The following CDC23 variants were observed in gnomAD, a reference collection of about 807,000 sequenced individuals.
CDC23 encodes the protein cell division cycle 23.
Under a neutral mutation model 81.7 loss-of-function variants are expected in CDC23, and 26 were observed. The ratio of observed to expected loss-of-function variants is 0.32; its 90% CI spans 0.23 to 0.44. The LOEUF is 0.44. Ranked by LOEUF, CDC23 falls within the 20% of genes least tolerant of loss-of-function variation. The probability of loss-of-function intolerance (pLI) is 1.00; values close to 1 mark genes in which losing one functional copy is unlikely to be tolerated. For synonymous variants in CDC23, 267 were observed against 270.8 expected, an observed-to-expected ratio of 0.99 and a Z score of 0.14; for missense variants, 519 against 728.0, an observed-to-expected ratio of 0.71 and a Z score of 3.30.
Position 138,198,789 on chromosome 5 carries a change from G to A in CDC23, c.655-7C>T. 2.5e-6 allele frequency: 4 copies of A among 1,612,930 alleles called. No individual in the cohort carries two copies. The South Asian group carries it at 4.4e-5, about 18-fold the overall frequency. The stretch of plus-strand genomic sequence containing the variant: ...GCAAAGACAGGAACTTCAGCTGGCA[G>A]CAGGAGAGAGAGGGACACACTTAAT... On this transcript the variant is annotated splice_region_variant and splice_polypyrimidine_tract_variant and intron_variant, in intron 6 of 15. Coordinates refer to ENST00000394886, the MANE Select transcript of CDC23 (RefSeq NM_004661.4).
chr5:138,213,010 G>C lies in CDC23; in HGVS notation c.215C>G (p.Pro72Arg). Residue 72 changes from proline (P) to arginine (R), a missense_variant, in exon 2 of 16, where the codon CCG (proline) becomes CGG (arginine). Pro to Arg is a moderately radical substitution (Grantham distance 103). Coordinates refer to ENST00000394886, the MANE Select transcript of CDC23 (RefSeq NM_004661.4). ...CCTTACCTCTGTAATAGGCGGAGGC[G>C]GTTGCAGCTCGGCCAGAGGCAATGC... Reference protein sequence around the residue: ...LPALPLAELQPPPPITEEDAQ... With the variant: ...LPALPLAELQRPPPITEEDAQ... 2 of 1,613,754 alleles carry C rather than the reference G, an allele frequency of 1.2e-6. No homozygotes were observed. Among genetic ancestry groups the C allele is most frequent in the Non-Finnish European group, 1.7e-6 (2 of 1,179,842 alleles).
chr5:138,195,772 G>GTATATATATACATATAATATA (rs1561634205), intron 9 of CDC23, among the ~76,000 whole-genome samples: 1 of 101,668 alleles, frequency 9.8e-6, no homozygotes, highest in African/African-American at 4.0e-5. Flanking sequence ...TATTATATAT[G>GTATATATATACATATAATATA]TGTATATATA....
intron 13 of CDC23, 142 bp downstream of exon 13, chr5:138,191,332 C>A: frequency 1.3e-6 from 1 of 784,398 alleles, no homozygotes; most frequent in Non-Finnish European, 2.3e-6. Flanking sequence ...TGGCTACATT[C>A]ACAAACCAGC....
chr5:138,189,263 T>C, intron 15 of CDC23, 115 bp from the exon 16 acceptor site: 1 of 473,988 alleles, frequency 2.1e-6, no homozygotes, highest in Non-Finnish European at 3.2e-6. Context: ...GGCTTGCTTG[T>C]TTTTTTTTTT....
chr5:138,213,039 G>A lies in CDC23; in HGVS notation c.186C>T (p.Leu62=), dbSNP rs139877114. The part of the protein sequence containing the change: ...SKWSAELAFS[L]PALPLAELQP... Reference sequence around the variant, plus strand: ...GCAGCTCGGCCAGAGGCAATGCAGGGAGAGAGAAAGCCAACTCCGCCGACC... The same window carrying A: ...GCAGCTCGGCCAGAGGCAATGCAGGAAGAGAGAAAGCCAACTCCGCCGACC... The change falls in exon 2 of 16, where the codon CTC becomes CTT. Residue 62 remains leucine (L), a synonymous_variant. Coordinates refer to ENST00000394886, the MANE Select transcript of CDC23 (RefSeq NM_004661.4). The A allele has an allele frequency of 3.3e-5, 54 of 1,613,802 alleles. No individual in the cohort carries two copies. The highest frequency in any genetic ancestry group is 1.6e-4 in the Middle Eastern group (1 of 6,084).
chr5:138,195,577 A>T (rs183449177), intron 9 of CDC23, among the ~76,000 whole-genome samples: 19 of 58,228 alleles, frequency 3.3e-4, no homozygotes, highest in East Asian at 2.0e-3. Context: ...TTTATATATA[A>T]TATATTATAT....
At chr5:138,201,053 G>A in intron 6 of CDC23, 54 bp downstream of exon 6, 1 of 1,594,358 alleles carries the variant, frequency 6.3e-7, no homozygotes, top group Non-Finnish European at 8.5e-7. Context: ...TATTACTACA[G>A]AATTACAAAA....
intron 3 of CDC23, among the ~76,000 whole-genome samples, chr5:138,205,703 A>T (rs1755040104): frequency 6.6e-6 from 1 of 152,066 alleles, no homozygotes; most frequent in African/African-American, 2.4e-5. Flanking sequence ...TTGGAAAAAA[A>T]AAAAAAAAAC....
At chr5:138,200,034 GAAC>G (rs972631313) in intron 6 of CDC23, among the ~76,000 whole-genome samples, 3 of 152,168 alleles carry the variant, frequency 2.0e-5, no homozygotes, top group African/African-American at 4.8e-5. Flanking sequence ...TGGAGTTTAA[GAAC>G]AACTTAGTAT....
intron 8 of CDC23, 51 bp downstream of exon 8, chr5:138,198,375 G>C (rs759932217): frequency 8.2e-6 from 13 of 1,592,040 alleles, no homozygotes; most frequent in African/African-American, 4.0e-5. Flanking sequence ...ATCCAACCCA[G>C]ATTAGTGCAC....
chr5:138,212,957 T>G lies in CDC23; in HGVS notation c.234+34A>C, dbSNP rs1190472988. Reference sequence around the variant, plus strand: ...TGGCTCTTGAGGCACACCCCTGGGTTGATGGGGAGCGCTCACTGTAAACAT... The same window carrying G: ...TGGCTCTTGAGGCACACCCCTGGGTGGATGGGGAGCGCTCACTGTAAACAT... On this transcript the variant is annotated intron_variant, in intron 2 of 15. Coordinates refer to ENST00000394886, the MANE Select transcript of CDC23 (RefSeq NM_004661.4). 3.2e-6 allele frequency: 5 copies of G among 1,582,596 alleles called. No homozygotes were observed. The South Asian group carries it at 5.5e-5, about 17-fold the overall frequency.
chr5:138,189,761 G>A lies in CDC23; in HGVS notation c.1504-9C>T, dbSNP rs1279230874. On this transcript the variant is annotated splice_polypyrimidine_tract_variant and intron_variant, in intron 14 of 15. Transcript: ENST00000394886. The stretch of plus-strand genomic sequence containing the variant: ...AAGTGTTCTACTATTTCCTAGAAAG[G>A]GAAAGCAAAATTACTGAGGTGACAG... 5 of 1,613,272 alleles carry A rather than the reference G, an allele frequency of 3.1e-6. No individual in the cohort carries two copies. The highest frequency in any genetic ancestry group is 2.5e-6 in the Non-Finnish European group (3 of 1,179,342).
In CDC23 at chr5:138,188,942, A is replaced by T. The variant is rs761274138; in HGVS notation, c.*36T>A. 6.3e-7 allele frequency: 1 copy of T among 1,597,746 alleles called. No homozygotes were observed. The highest frequency in any genetic ancestry group is 8.5e-7 in the Non-Finnish European group (1 of 1,169,960). On this transcript the variant is annotated 3_prime_UTR_variant, in exon 16 of 16. Transcript: ENST00000394886. ...TACATGGAGGTAAGGCTTAATTAAG[A>T]TGGGTCTAACAATGTGCTGGCTTGA...
intron 6 of CDC23, 68 bp from the exon 7 acceptor site, chr5:138,198,850 A>T: frequency 6.7e-7 from 1 of 1,483,694 alleles, no homozygotes; most frequent in Non-Finnish European, 9.1e-7. Context: ...ACATCCAGGA[A>T]CTATCTTTAT....
chr5:138,204,491 A>T (rs2126587701), intron 3 of CDC23, among the ~76,000 whole-genome samples: 1 of 146,440 alleles, frequency 6.8e-6, no homozygotes, highest in South Asian at 2.3e-4. Context: ...GGTGACAGAG[A>T]AAGACTCCAT....
Position 138,198,218 on chromosome 5 carries a change from T to G in CDC23, c.993A>C (p.Val331=), listed in dbSNP as rs746995512. ...TCTTACCAATTACACAGCACGTTTCTACACGATATTTATCAATCTCACAGA... is the reference window on the plus strand; with the variant it reads ...TCTTACCAATTACACAGCACGTTTCGACACGATATTTATCAATCTCACAGA... The part of the protein sequence containing the change: ...HNLCEIDKYR[V]ETCCVIGNYY... Residue 331 remains valine, a synonymous_variant, in exon 9 of 16, where the codon GTA becomes GTC. Coordinates refer to ENST00000394886, the MANE Select transcript of CDC23 (RefSeq NM_004661.4). 3.7e-6 allele frequency: 6 copies of G among 1,612,502 alleles called. No homozygotes were observed. In the East Asian group the frequency reaches 1.3e-4, roughly 36 times the overall value.
chr5:138,192,358 G>A lies in CDC23; in HGVS notation c.1197C>T (p.Tyr399=). The change falls in exon 11 of 16, where the codon TAC becomes TAT. Residue 399 remains tyrosine, a synonymous_variant. Transcript: ENST00000394886. ...TCTGCCCGAGGCCATACCAAGCTCT[G>A]TAGTCCCGTTTGTTGACCTCAATGG... The part of the protein sequence containing the change: ...RHAIEVNKRD[Y]RAWYGLGQTY... The A allele has an allele frequency of 6.2e-7, 1 of 1,614,196 alleles. No individual in the cohort carries two copies. The highest frequency in any genetic ancestry group is 2.2e-5 in the East Asian group (1 of 44,888).
At chr5:138,191,822 A>G in intron 12 of CDC23, 40 bp downstream of exon 12, 1 of 1,481,254 alleles carries the variant, frequency 6.8e-7, no homozygotes, top group Non-Finnish European at 9.4e-7. Flanking sequence ...TCTAAACAGC[A>G]GATTTCCACT....
At chr5:138,189,332 C>G (rs1357218790) in intron 15 of CDC23, among the ~76,000 whole-genome samples, 184 bp from the exon 16 acceptor site, 2 of 151,676 alleles carry the variant, frequency 1.3e-5, no homozygotes, top group Non-Finnish European at 2.9e-5. Flanking sequence ...TCAAGGCTCA[C>G]TGCAGCCTCG....
Sources: gnomAD v4.1 joint callset for allele counts (sites outside exome capture counted in the v4.1 genomes callset) on GRCh38, gnomAD v4.1.1 for gene constraint, MANE v1.5 for transcripts, NCBI Gene and HGNC (gene_info 2026-07-23, HGNC 2026-07-21) for gene names.